The following SCAPER variants were observed in gnomAD, a reference collection of about 807,000 sequenced individuals.
The protein encoded by SCAPER is S phase cyclin A-associated protein in the endoplasmic reticulum.
Under a neutral mutation model 182.2 loss-of-function variants are expected in SCAPER, and 98 were observed. That is an observed-to-expected ratio of 0.54 (90% confidence interval 0.46 to 0.64). The LOEUF (loss-of-function observed/expected upper bound fraction) is 0.64, where lower values mean the gene tolerates loss of function less well. SCAPER is among the 30% of genes least tolerant of loss of function. SCAPER has a pLI of 0.00. For synonymous variants in SCAPER, 605 were observed against 564.6 expected (o/e 1.07, Z -1.01); for missense variants, 1,432 against 1,690.0 (o/e 0.85, Z 2.68).
intron 7 of SCAPER, among the ~76,000 whole-genome samples, chr15:76,798,262 A>T (rs1342306514): frequency 6.6e-6 from 1 of 152,046 alleles, no homozygotes; most frequent in Non-Finnish European, 1.5e-5. Context: ...CAGGAGGCTA[A>T]GGCACGAGAA....
chr15:76,558,400 CA>C (rs1275337805), intron 23 of SCAPER, among the ~76,000 whole-genome samples: 1 of 152,118 alleles, frequency 6.6e-6, no homozygotes, highest in Non-Finnish European at 1.5e-5. Context: ...TGCTCAACAC[CA>C]CTAACCATTA....
intron 8 of SCAPER, among the ~76,000 whole-genome samples, chr15:76,780,336 C>T (rs536873600): frequency 9.8e-5 from 15 of 152,340 alleles, no homozygotes; most frequent in Middle Eastern, 3.4e-3. Flanking sequence ...GGGGCATCCG[C>T]CATTGCTGAG....
chr15:76,658,705 C>T (rs1444469332), intron 21 of SCAPER, among the ~76,000 whole-genome samples: 1 of 152,086 alleles, frequency 6.6e-6, no homozygotes, highest in Non-Finnish European at 1.5e-5. Flanking sequence ...CAGCATGGTA[C>T]TGGTATAAAA....
chr15:76,876,282 G>C (rs530043841), intron 2 of SCAPER, among the ~76,000 whole-genome samples: 2 of 152,222 alleles, frequency 1.3e-5, no homozygotes, highest in East Asian at 3.9e-4. Context: ...GCGGGCTGAA[G>C]GACTCCCCGA....
intron 15 of SCAPER, among the ~76,000 whole-genome samples, chr15:76,747,460 C>T (rs542182675): frequency 7.1e-4 from 108 of 152,178 alleles, no homozygotes; most frequent in African/African-American, 2.5e-3. Context: ...CAAGACCACA[C>T]CACTGCACTC....
intron 5 of SCAPER, among the ~76,000 whole-genome samples, chr15:76,826,049 A>T (rs985908885): frequency 6.6e-6 from 1 of 152,182 alleles, no homozygotes; most frequent in Non-Finnish European, 1.5e-5. Flanking sequence ...CCTGGCCACA[A>T]AAAGATCTGT....
chr15:76,822,339 TA>T lies in SCAPER; in HGVS notation c.394-17707del, dbSNP rs201690729. On this transcript the variant is annotated intron_variant, in intron 5 of 31. Coordinates refer to ENST00000563290, the MANE Select transcript of SCAPER (RefSeq NM_020843.4). ...AATTGGTCTTAAAAAAATAAAGTCA[TA>T]AAAAAAAGAAAGAAAAAGAAGGAAA... Among the ~76,000 whole-genome samples, 206 of 151,620 alleles carry T rather than the reference TA, an allele frequency of 1.4e-3. 5 individuals carry two copies. In the East Asian group the frequency reaches 0.035, roughly 26 times the overall value.
intron 26 of SCAPER, among the ~76,000 whole-genome samples, chr15:76,425,229 T>TG (rs2046339377): frequency 2.0e-5 from 3 of 152,206 alleles, no homozygotes; most frequent in Non-Finnish European, 4.4e-5. Context: ...TTGGTTCCAT[T>TG]CTCCCTGTCA....
Position 76,434,202 on chromosome 15 carries a change from A to T in SCAPER, c.3187T>A (p.Cys1063Ser). Residue 1063 changes from cysteine (C) to serine (S), a missense_variant, in exon 26 of 32, where the codon TGC becomes AGC. Cys to Ser is a moderately radical substitution (Grantham distance 112, BLOSUM62 -1). Coordinates refer to ENST00000563290, the MANE Select transcript of SCAPER (RefSeq NM_020843.4). ...LLKVSAVVLG[C>S]LIANRPDGNC... Reference sequence around the variant, plus strand: ...CCATCTGGTCGATTGGCAATCAGGCAGCCCAAAACCACAGCACTGACTTTG... The same window carrying T: ...CCATCTGGTCGATTGGCAATCAGGCTGCCCAAAACCACAGCACTGACTTTG... 1 of 1,614,004 alleles carries T rather than the reference A, an allele frequency of 6.2e-7. No homozygotes were observed. Among genetic ancestry groups the T allele is most frequent in the Non-Finnish European group, 8.5e-7 (1 of 1,179,878 alleles).
intron 1 of SCAPER, among the ~76,000 whole-genome samples, chr15:76,898,840 T>C (rs2074578491): frequency 6.6e-6 from 1 of 152,244 alleles, no homozygotes; most frequent in African/African-American, 2.4e-5. Flanking sequence ...TTGATTGTGG[T>C]AATGGATCCA....
chr15:76,481,331 A>C (rs2051120720), intron 24 of SCAPER, among the ~76,000 whole-genome samples: 1 of 152,200 alleles, frequency 6.6e-6, no homozygotes, highest in South Asian at 2.1e-4. Context: ...TTAAGAGGAG[A>C]CATAATCTAC....
chr15:76,573,548 A>T (rs1187902561), intron 23 of SCAPER, among the ~76,000 whole-genome samples: 1 of 152,124 alleles, frequency 6.6e-6, no homozygotes, highest in Non-Finnish European at 1.5e-5. Flanking sequence ...AAGACATGAT[A>T]AAGTATTTAT....
At chr15:76,701,313 A>T (rs931103150) in intron 20 of SCAPER, among the ~76,000 whole-genome samples, 2 of 152,222 alleles carry the variant, frequency 1.3e-5, no homozygotes, top group Non-Finnish European at 2.9e-5. Context: ...AAAAATATTC[A>T]TATACATATT....
intron 8 of SCAPER, among the ~76,000 whole-genome samples, chr15:76,781,225 A>C (rs1317696728): frequency 6.6e-6 from 1 of 152,234 alleles, no homozygotes; most frequent in African/African-American, 2.4e-5. Flanking sequence ...CCGTGGCAAG[A>C]GAACTTCGTG....
chr15:76,790,876 C>T (rs1021019455), intron 8 of SCAPER, among the ~76,000 whole-genome samples: 3 of 152,114 alleles, frequency 2.0e-5, no homozygotes, highest in South Asian at 2.1e-4. Flanking sequence ...TTTCTAACTT[C>T]GTGAAATGAA....
chr15:76,387,228 G>T (rs2141988821), intron 27 of SCAPER, among the ~76,000 whole-genome samples: 1 of 152,336 alleles, frequency 6.6e-6, no homozygotes, highest in South Asian at 2.1e-4. Flanking sequence ...GGGGAAGAAA[G>T]TGAAGAGCGC....
chr15:76,892,672 C>A (rs1174207677), intron 1 of SCAPER, among the ~76,000 whole-genome samples: 1 of 152,180 alleles, frequency 6.6e-6, no homozygotes, highest in Non-Finnish European at 1.5e-5. Flanking sequence ...CAGGAAACAA[C>A]AGATGCTGGA....
intron 22 of SCAPER, among the ~76,000 whole-genome samples, chr15:76,618,386 A>G (rs988481406): frequency 2.6e-5 from 4 of 152,212 alleles, no homozygotes; most frequent in African/African-American, 9.6e-5. Flanking sequence ...CCTTCTTTCA[A>G]AAATTTTTCC....
chr15:76,703,748 TGGA>T (rs980184807), intron 18 of SCAPER, among the ~76,000 whole-genome samples: 2 of 152,176 alleles, frequency 1.3e-5, no homozygotes, highest in African/African-American at 4.8e-5. Flanking sequence ...TCTCTTTATG[TGGA>T]GGTTATGTAC....
Sources: allele counts gnomAD v4.1 joint callset (sites outside exome capture counted in the v4.1 genomes callset), GRCh38; gene constraint gnomAD v4.1.1; transcripts MANE v1.5; gene names NCBI Gene and HGNC (gene_info 2026-07-23, HGNC 2026-07-21).